PEBP4: variants seen among roughly 807,000 people sequenced by gnomAD.
The protein encoded by PEBP4 is phosphatidylethanolamine-binding protein 4.
A neutral mutation model predicts 23.9 loss-of-function variants in PEBP4; 22 were observed. The observed-to-expected ratio is 0.92, with a 90% CI of 0.66 to 1.31. The LOEUF (loss-of-function observed/expected upper bound fraction) is 1.31, where lower values mean the gene tolerates loss of function less well. Ranked by LOEUF, PEBP4 falls within the 40% of genes most tolerant of loss-of-function variation. PEBP4 has a pLI of 0.00. For synonymous variants in PEBP4, 112 were observed against 99.3 expected, an observed-to-expected ratio of 1.13 and a Z score of -0.76; for missense variants, 324 against 281.7, an observed-to-expected ratio of 1.15 and a Z score of -1.07.
At chr8:22,847,409 G>C (rs144363903) in intron 3 of PEBP4, among the ~76,000 whole-genome samples, 1 of 152,268 alleles carries the variant, frequency 6.6e-6, no homozygotes, top group Non-Finnish European at 1.5e-5. Context: ...TTTTCTTGGA[G>C]ATTTTATGAA....
Position 22,865,481 on chromosome 8 carries a change from C to T in PEBP4, c.259-47746G>A, listed in dbSNP as rs1389495010. Among the ~76,000 whole-genome samples, 1 of 148,750 alleles carries T rather than the reference C, an allele frequency of 6.7e-6. No homozygotes were observed. The highest frequency in any genetic ancestry group is 3.2e-3 in the Middle Eastern group (1 of 308). On this transcript the variant is annotated intron_variant, in intron 3 of 6. Transcript: ENST00000256404. The surrounding 1 kb of genome is among the most constrained non-coding windows in gnomAD (Gnocchi z 6.9). ...CCCGCCGCGAGGTGGAGCGCGCCAC[C>T]GCCCCCCCGGCCGCGCAGCGAGAAG...
intron 6 of PEBP4, 81 bp from the exon 7 acceptor site, chr8:22,713,617 C>G: frequency 1.3e-6 from 2 of 1,592,426 alleles, no homozygotes; most frequent in Non-Finnish European, 1.7e-6. Flanking sequence ...AGAGGGAGGC[C>G]GGCTCGTGGG....
intron 4 of PEBP4, among the ~76,000 whole-genome samples, chr8:22,738,319 G>A (rs967120827): frequency 6.6e-6 from 1 of 152,154 alleles, no homozygotes; most frequent in Non-Finnish European, 1.5e-5. Context: ...TCAGGAGAGC[G>A]AGTCAGAGGT....
At position 22,723,245 on chromosome 8, in the gene PEBP4, G is replaced by A. The variant is rs142964280; in HGVS notation, c.517+1598C>T. On this transcript the variant is annotated intron_variant, in intron 6 of 6. Coordinates refer to ENST00000256404, the MANE Select transcript of PEBP4 (RefSeq NM_144962.3). The stretch of plus-strand genomic sequence containing the variant: ...TTGCCTGGTCACCAACATCTTGGGA[G>A]GGGTGGGTCAGGCCTCTGCTGGTCC... Among the ~76,000 whole-genome samples, 7 of 152,270 alleles carry A rather than the reference G, an allele frequency of 4.6e-5. No individual in the cohort carries two copies. The East Asian group carries it at 7.7e-4, about 17-fold the overall frequency.
At chr8:22,765,069 G>A (rs1357073540) in intron 4 of PEBP4, among the ~76,000 whole-genome samples, 3 of 151,920 alleles carry the variant, frequency 2.0e-5, no homozygotes, top group Non-Finnish European at 2.9e-5. Flanking sequence ...TCTTCCCATC[G>A]CATCGTCACC....
chr8:22,864,708 A>G (rs971824170), intron 3 of PEBP4, among the ~76,000 whole-genome samples: 2 of 152,128 alleles, frequency 1.3e-5, no homozygotes, highest in African/African-American at 4.8e-5. Context: ...CTAAAAATAG[A>G]GTTGTGTAGC....
rs1806542100 is a variant in PEBP4 at position 22,808,136 on chromosome 8, TC to T, written c.357+9500del. On this transcript the variant is annotated intron_variant, in intron 4 of 6. Coordinates refer to ENST00000256404, the MANE Select transcript of PEBP4 (RefSeq NM_144962.3). ...CACCCACCTACCCAACTTCCACCCA[TC>T]CATTCATCACTCCATCCATCCATCT... Among the ~76,000 whole-genome samples, 4 of 150,210 alleles carry T rather than the reference TC, an allele frequency of 2.7e-5. No individual in the cohort carries two copies. In the South Asian group the frequency reaches 8.5e-4, roughly 32 times the overall value.
intron 3 of PEBP4, among the ~76,000 whole-genome samples, chr8:22,892,401 A>G (rs1465592225): frequency 1.3e-5 from 2 of 152,192 alleles, no homozygotes; most frequent in Non-Finnish European, 2.9e-5. Flanking sequence ...GCAAAACAAA[A>G]ACTCCATACT....
Position 22,846,254 on chromosome 8 carries a change from C to A in PEBP4, c.259-28519G>T, listed in dbSNP as rs1456621903. 2.0e-5 allele frequency among the ~76,000 whole-genome samples: 3 copies of A among 152,136 alleles called. No individual in the cohort carries two copies. In the East Asian group the frequency reaches 5.8e-4, roughly 29 times the overall value. On this transcript the variant is annotated intron_variant, in intron 3 of 6. Coordinates refer to ENST00000256404, the MANE Select transcript of PEBP4 (RefSeq NM_144962.3). The stretch of plus-strand genomic sequence containing the variant: ...GAGGCAGATTGGGAGAAGCAACAGC[C>A]TGGGGAGTCCCGGGCCCCAGAGTTC...
chr8:22,802,112 C>T (rs144181868), intron 4 of PEBP4, among the ~76,000 whole-genome samples: 7 of 152,196 alleles, frequency 4.6e-5, no homozygotes, highest in African/African-American at 7.2e-5. Context: ...TTCCCAAACG[C>T]TCCGGACTGT....
intron 4 of PEBP4, among the ~76,000 whole-genome samples, chr8:22,770,803 C>T (rs771250797): frequency 6.6e-6 from 1 of 152,198 alleles, no homozygotes; most frequent in South Asian, 2.1e-4. Flanking sequence ...GGAAAGCACA[C>T]GTATCCACGC....
intron 3 of PEBP4, among the ~76,000 whole-genome samples, chr8:22,871,844 G>A (rs1257164204): frequency 4.6e-5 from 7 of 151,946 alleles, no homozygotes; most frequent in Admixed American, 2.0e-4. Context: ...GAGCCACCGC[G>A]CCTGCCCTGA....
At position 22,865,241 on chromosome 8, in the gene PEBP4, A is replaced by C. The variant is rs916033498; in HGVS notation, c.259-47506T>G. On this transcript the variant is annotated intron_variant, in intron 3 of 6. Coordinates refer to ENST00000256404, the MANE Select transcript of PEBP4 (RefSeq NM_144962.3). This position sits in a 1 kb window ranked among gnomAD's most constrained non-coding sequence, Gnocchi z 6.9. ...TGGGGGGCGGCGGGAGGGGGAGGGA[A>C]GGTGTTTTTGCGAAAATGACAAAAC... Among the ~76,000 whole-genome samples, 1 of 152,054 alleles carries C rather than the reference A, an allele frequency of 6.6e-6. No individual in the cohort carries two copies. The highest frequency in any genetic ancestry group is 1.5e-5 in the Non-Finnish European group (1 of 67,964).
intron 3 of PEBP4, among the ~76,000 whole-genome samples, chr8:22,834,643 G>A (rs1370457677): frequency 6.6e-6 from 1 of 152,162 alleles, no homozygotes; most frequent in African/African-American, 2.4e-5. Context: ...GCCATATTCT[G>A]GCCCAGAATA....
At chr8:22,771,889 A>G (rs1805724807) in intron 4 of PEBP4, among the ~76,000 whole-genome samples, 1 of 152,266 alleles carries the variant, frequency 6.6e-6, no homozygotes, top group East Asian at 1.9e-4. Context: ...ATATGACTGC[A>G]AAATTGCCCT....
chr8:22,913,349 T>C (rs1473144009), intron 3 of PEBP4, among the ~76,000 whole-genome samples: 1 of 152,192 alleles, frequency 6.6e-6, no homozygotes, highest in African/African-American at 2.4e-5. Context: ...TCCCCATTCC[T>C]GCCTCTTCCC....
chr8:22,852,644 T>C (rs903977523), intron 3 of PEBP4, among the ~76,000 whole-genome samples: 1 of 151,634 alleles, frequency 6.6e-6, no homozygotes, highest in Non-Finnish European at 1.5e-5. Flanking sequence ...ATATGAATTA[T>C]AGTTCCTGGC....
chr8:22,744,560 C>G (rs916700633), intron 4 of PEBP4: 5 of 152,302 alleles, frequency 3.3e-5, no homozygotes, highest in African/African-American at 1.2e-4. Flanking sequence ...TGCCCCTAAC[C>G]AAGCTCCCCT....
At chr8:22,840,047 G>T (rs1241032943) in intron 3 of PEBP4, among the ~76,000 whole-genome samples, 2 of 152,188 alleles carry the variant, frequency 1.3e-5, no homozygotes, top group Admixed American at 6.5e-5. Context: ...TAAGACATTT[G>T]TTGGGGAAAT....
Sources: gnomAD v4.1 joint callset for allele counts (sites outside exome capture counted in the v4.1 genomes callset) on GRCh38, gnomAD v4.1.1 for gene constraint, Gnocchi (gnomAD v3.1) non-coding constraint, MANE v1.5 for transcripts, NCBI Gene and HGNC (gene_info 2026-07-23, HGNC 2026-07-21) for gene names.